The following CTNNA3 variants were observed in gnomAD, a reference collection of about 807,000 sequenced individuals.
CTNNA3 encodes catenin alpha 3, also known as catenin alpha-3.
Under a neutral mutation model 95.7 loss-of-function variants are expected in CTNNA3, and 76 were observed. The ratio of observed to expected loss-of-function variants is 0.79; its 90% CI spans 0.66 to 0.96. CTNNA3 has a LOEUF of 0.96. Among genes scored for constraint, CTNNA3 ranks in the 40% least tolerant of loss-of-function variants. The probability of loss-of-function intolerance (pLI) is 0.00; values close to 1 mark genes in which losing one functional copy is unlikely to be tolerated. For missense variants in CTNNA3, 1,191 were observed against 1,089.8 expected (o/e 1.09, Z -1.31); for synonymous variants, 431 against 374.4 (o/e 1.15, Z -1.74).
At chr10:66,420,839 A>AATTAATTAATTAAT (rs2093187210) in intron 11 of CTNNA3, among the ~76,000 whole-genome samples, 5 of 76,908 alleles carry the variant, frequency 6.5e-5, no homozygotes, top group African/African-American at 3.2e-4. Context: ...ATAAATAAAT[A>AATTAATTAATTAAT]AAAAACAATA....
At chr10:66,153,112 G>A (rs532316359) in intron 13 of CTNNA3, among the ~76,000 whole-genome samples, 67 of 151,480 alleles carry the variant, frequency 4.4e-4, no homozygotes, top group Non-Finnish European at 7.4e-4. Flanking sequence ...CCCATAAAAT[G>A]TTTCTTTTTC....
chr10:67,188,672 A>G (rs545271532), intron 6 of CTNNA3, among the ~76,000 whole-genome samples: 1 of 152,320 alleles, frequency 6.6e-6, no homozygotes, highest in African/African-American at 2.4e-5. Context: ...AAATCAGTAT[A>G]TCAAAGAGAT....
chr10:66,758,795 C>G (rs867662652), intron 9 of CTNNA3, among the ~76,000 whole-genome samples: 1 of 151,996 alleles, frequency 6.6e-6, no homozygotes, highest in African/African-American at 2.4e-5. Flanking sequence ...ATTAGCCATG[C>G]GTGGTGGCAG....
At chr10:66,554,327 T>C (rs1007408172) in intron 10 of CTNNA3, among the ~76,000 whole-genome samples, 12 of 152,152 alleles carry the variant, frequency 7.9e-5, no homozygotes, top group Non-Finnish European at 5.9e-5. Context: ...TATGTCAAAA[T>C]AGGGATACAT....
At chr10:67,179,177 C>T (rs1003761245) in intron 7 of CTNNA3, among the ~76,000 whole-genome samples, 4 of 151,940 alleles carry the variant, frequency 2.6e-5, no homozygotes, top group African/African-American at 7.3e-5. Flanking sequence ...TCAAAACACA[C>T]CTACATGAAT....
At chr10:67,061,050 A>G (rs1564863285) in intron 7 of CTNNA3, among the ~76,000 whole-genome samples, 1 of 152,150 alleles carries the variant, frequency 6.6e-6, no homozygotes, top group Non-Finnish European at 1.5e-5. Context: ...ATTTTAATAC[A>G]CTTGAAATAA....
intron 9 of CTNNA3, among the ~76,000 whole-genome samples, chr10:66,663,855 C>T (rs1227463223): frequency 6.6e-6 from 1 of 152,142 alleles, no homozygotes; most frequent in Non-Finnish European, 1.5e-5. Flanking sequence ...AATTGTTACA[C>T]TGTGAATTAA....
chr10:66,116,602 C>A (rs945831343), intron 13 of CTNNA3, among the ~76,000 whole-genome samples: 1 of 152,060 alleles, frequency 6.6e-6, no homozygotes, highest in South Asian at 2.1e-4. Flanking sequence ...AATAATTATA[C>A]TGAGTAAAAG....
In CTNNA3 at chr10:66,456,077, C is replaced by T. The variant is rs545839170; in HGVS notation, c.1531+64540G>A. Reference sequence around the variant, plus strand: ...CAAATAAATTGAGACATATGATGTTCATAGATTGAAAGACTCAACATAGTA... The same window carrying T: ...CAAATAAATTGAGACATATGATGTTTATAGATTGAAAGACTCAACATAGTA... On this transcript the variant is annotated intron_variant, in intron 11 of 17. Transcript: ENST00000433211. Among the ~76,000 whole-genome samples the T allele has an allele frequency of 1.6e-4, 24 of 152,206 alleles. 1 individual carries two copies. In the South Asian group the frequency reaches 5.0e-3, roughly 32 times the overall value.
At chr10:67,472,092 T>G (rs1359894683) in intron 5 of CTNNA3, among the ~76,000 whole-genome samples, 2 of 152,198 alleles carry the variant, frequency 1.3e-5, no homozygotes, top group Non-Finnish European at 2.9e-5. Context: ...ATTTACTAGT[T>G]GCTAGGCAAT....
intron 17 of CTNNA3, among the ~76,000 whole-genome samples, chr10:65,961,454 G>A (rs910920494): frequency 2.0e-5 from 3 of 152,090 alleles, no homozygotes; most frequent in African/African-American, 4.8e-5. Flanking sequence ...CTTTATAGTC[G>A]TTGGCCACTG....
intron 13 of CTNNA3, among the ~76,000 whole-genome samples, chr10:66,120,606 TA>T (rs1400163016): frequency 6.6e-6 from 1 of 152,162 alleles, no homozygotes; most frequent in African/African-American, 2.4e-5. Flanking sequence ...GCATTATGAT[TA>T]TAAATAATAT....
At chr10:67,039,551 CT>C (rs898132943) in intron 7 of CTNNA3, among the ~76,000 whole-genome samples, 7 of 152,138 alleles carry the variant, frequency 4.6e-5, no homozygotes, top group African/African-American at 1.4e-4. Flanking sequence ...GTTGTTGATA[CT>C]TTTTTTGTTT....
intron 5 of CTNNA3, among the ~76,000 whole-genome samples, chr10:67,348,522 C>CA (rs1235164955): frequency 8.5e-5 from 13 of 152,100 alleles, no homozygotes; most frequent in Non-Finnish European, 1.8e-4. Context: ...CATCTGCTCC[C>CA]AGTGAGGGCC....
intron 7 of CTNNA3, among the ~76,000 whole-genome samples, chr10:67,031,797 T>C (rs1853745856): frequency 6.6e-6 from 1 of 152,222 alleles, no homozygotes; most frequent in Admixed American, 6.5e-5. Flanking sequence ...AGTTCTGCAA[T>C]GTCACAAGAT....
upstream of CTNNA3, among the ~76,000 whole-genome samples, chr10:67,697,482 C>T (rs1334122353): frequency 6.6e-6 from 1 of 152,190 alleles, no homozygotes. Flanking sequence ...ATAAGCCTAG[C>T]TTGTCCTGCT....
intron 5 of CTNNA3, among the ~76,000 whole-genome samples, chr10:67,504,313 C>T (rs531451973): frequency 1.3e-5 from 2 of 150,130 alleles, no homozygotes; most frequent in Admixed American, 6.7e-5. Flanking sequence ...ATTGGCCGGG[C>T]GTGATGGCAG....
At chr10:66,743,974 CAAA>C (rs536825430) in intron 9 of CTNNA3, among the ~76,000 whole-genome samples, 22 of 45,052 alleles carry the variant, frequency 4.9e-4, no homozygotes, top group East Asian at 4.2e-3. Context: ...GATTCCATCT[CAAA>C]AAAAAAAAAA....
At chr10:67,495,849 T>A (rs1839007187) in intron 5 of CTNNA3, among the ~76,000 whole-genome samples, 1 of 152,216 alleles carries the variant, frequency 6.6e-6, no homozygotes, top group Non-Finnish European at 1.5e-5. Flanking sequence ...ATGATTATTG[T>A]AAGAATTAAG....
Sources: allele counts gnomAD v4.1 joint callset (sites outside exome capture counted in the v4.1 genomes callset), GRCh38; gene constraint gnomAD v4.1.1; transcripts MANE v1.5; gene names NCBI Gene and HGNC (gene_info 2026-07-23, HGNC 2026-07-21).